SCARB2: variants seen among roughly 807,000 people sequenced by gnomAD.
SCARB2 encodes the protein lysosome membrane protein 2.
A neutral mutation model predicts 58.6 loss-of-function variants in SCARB2; 29 were observed. The ratio of observed to expected loss-of-function variants is 0.49; its 90% CI spans 0.37 to 0.67. The LOEUF (loss-of-function observed/expected upper bound fraction) is 0.67. Among genes scored for constraint, SCARB2 ranks in the 30% least tolerant of loss-of-function variants. The pLI is 0.00. For synonymous variants in SCARB2, 195 were observed against 210.1 expected, an observed-to-expected ratio of 0.93 and a Z score of 0.62; for missense variants, 488 against 578.5, an observed-to-expected ratio of 0.84 and a Z score of 1.60.
intron 4 of SCARB2, chr4:76,179,028 G>GGTTTTTGTTTTT (rs751604931): frequency 3.7e-5 from 6 of 163,126 alleles, no homozygotes; most frequent in Admixed American, 2.9e-4. Context: ...TGCACTCCAG[G>GGTTTTTGTTTTT]GTTTTTGTTT....
chr4:76,176,703 TA>T (rs1732258271), intron 4 of SCARB2, 175 bp from the exon 5 acceptor site: 1 of 580,708 alleles, frequency 1.7e-6, no homozygotes, highest in Admixed American at 3.2e-5. Flanking sequence ...TTACCCTCAA[TA>T]ATGAGTGGCT....
chr4:76,221,958 T>C (rs1261574551), intron 1 of SCARB2, among the ~76,000 whole-genome samples: 1 of 152,222 alleles, frequency 6.6e-6, no homozygotes, highest in African/African-American at 2.4e-5. Flanking sequence ...CCACATGATG[T>C]TGTGGAATTC....
In SCARB2 at chr4:76,175,859, A is replaced by T; in HGVS notation, c.756T>A (p.Asp252Glu). ...TTATTAGTGGGTGAAAAGAATCTCC[A>T]TCTGTTCCATTAATCATATTGCACT... ...TDKCNMINGTDGDSFHPLITK... is the reference protein window; with the variant it reads ...TDKCNMINGTEGDSFHPLITK... Residue 252 changes from aspartate (D) to glutamate (E), a missense_variant, in exon 6 of 12, where the codon GAT (aspartate) becomes GAA (glutamate). Physicochemically the swap from Asp to Glu is conservative, Grantham distance 45 (BLOSUM62 2). Transcript: ENST00000264896. 1 of 1,613,924 alleles carries T rather than the reference A, an allele frequency of 6.2e-7. No individual in the cohort carries two copies. The highest frequency in any genetic ancestry group is 8.5e-7 in the Non-Finnish European group (1 of 1,179,878).
At chr4:76,211,074 G>A (rs1733034306) in intron 1 of SCARB2, among the ~76,000 whole-genome samples, 1 of 152,202 alleles carries the variant, frequency 6.6e-6, no homozygotes, top group African/African-American at 2.4e-5. Flanking sequence ...CCTATTCTGT[G>A]CCTGATACTA....
At chr4:76,198,753 T>C (rs942352459) in intron 1 of SCARB2, among the ~76,000 whole-genome samples, 5 of 152,180 alleles carry the variant, frequency 3.3e-5, no homozygotes, top group Non-Finnish European at 5.9e-5. Flanking sequence ...TGCTTTCATA[T>C]GTCTCTTTTC....
chr4:76,173,901 A>G (rs752306532), intron 7 of SCARB2: 86 of 506,480 alleles, frequency 1.7e-4, no homozygotes, highest in Non-Finnish European at 2.4e-4. Flanking sequence ...AAAGAAACTG[A>G]TCTTTCTATT....
chr4:76,214,504 G>A (rs1481640503), upstream of SCARB2: 1 of 352,874 alleles, frequency 2.8e-6, no homozygotes, highest in Non-Finnish European at 5.6e-6. Flanking sequence ...AGGCTCAGGT[G>A]TTCAGGGGGT....
At chr4:76,173,154 G>A (rs1412723175) in intron 7 of SCARB2, 1 of 152,178 alleles carries the variant, frequency 6.6e-6, no homozygotes, top group Non-Finnish European at 1.5e-5. Context: ...AGTTTTGTCA[G>A]TTGTGCCACT....
In SCARB2 at chr4:76,179,700, G is replaced by C; in HGVS notation, c.429C>G (p.Val143=). The C allele has an allele frequency of 6.2e-7, 1 of 1,613,134 alleles. No homozygotes were observed. Among genetic ancestry groups the C allele is most frequent in the Non-Finnish European group, 8.5e-7 (1 of 1,179,370 alleles). ...IRTLNIPVLT[V]IEWSQVHFLR... ...GGAAGTGCACCTGGGACCACTCTAT[G>C]ACAGTCTGCGGAGCAGAGGTATATT... is the stretch of plus-strand genomic sequence containing the variant. The change falls in exon 4 of 12, where the codon GTC becomes GTG. Residue 143 remains valine, a synonymous_variant. Coordinates refer to ENST00000264896, the MANE Select transcript of SCARB2 (RefSeq NM_005506.4).
upstream of SCARB2, among the ~76,000 whole-genome samples, chr4:76,218,239 C>T (rs750166330): frequency 1.3e-5 from 2 of 152,192 alleles, no homozygotes; most frequent in East Asian, 3.8e-4. Context: ...TACCATCACA[C>T]CCTAGTGATT....
intron 2 of SCARB2, among the ~76,000 whole-genome samples, chr4:76,189,212 C>G (rs6825004): frequency 0.29 from 44,755 of 152,038 alleles, 7,071 homozygotes; most frequent in Admixed American, 0.46. Flanking sequence ...GGAAGAAAGA[C>G]AGATACCTAA....
intron 3 of SCARB2, chr4:76,180,369 A>G (rs1331867117): frequency 6.6e-6 from 1 of 152,052 alleles, no homozygotes; most frequent in Non-Finnish European, 1.5e-5. Flanking sequence ...AAAAAAATTA[A>G]TAATAAATAA....
At chr4:76,214,255 ACCAGGTG>A (rs1381372007), upstream of SCARB2, 1 of 455,520 alleles carries the variant, frequency 2.2e-6, no homozygotes, top group Admixed American at 2.3e-5. Context: ...AAGTGCTTCT[ACCAGGTG>A]CCTGCTGAGA....
intron 2 of SCARB2, among the ~76,000 whole-genome samples, chr4:76,185,784 A>C (rs1024953288): frequency 6.6e-6 from 1 of 152,184 alleles, no homozygotes; most frequent in Non-Finnish European, 1.5e-5. Context: ...TACTATTAAG[A>C]AGTGATTGGG....
chr4:76,182,463 A>T (rs1732404188), intron 2 of SCARB2, among the ~76,000 whole-genome samples: 1 of 152,218 alleles, frequency 6.6e-6, no homozygotes, highest in Non-Finnish European at 1.5e-5. Flanking sequence ...TCTACTTTTT[A>T]AAAAATGTGG....
intron 1 of SCARB2, 70 bp downstream of exon 1, chr4:76,213,357 G>T: frequency 9.5e-7 from 1 of 1,048,980 alleles, no homozygotes; most frequent in Non-Finnish European, 1.5e-6. Flanking sequence ...TCCCATACAA[G>T]ATGTAGCAGC....
At chr4:76,227,235 G>A (rs1011918236) in intron 1 of SCARB2, among the ~76,000 whole-genome samples, 6 of 152,134 alleles carry the variant, frequency 3.9e-5, no homozygotes, top group South Asian at 2.1e-4. Context: ...CACTATTATC[G>A]TTCAAAGAAT....
At chr4:76,224,349 G>C (rs533895709) in intron 1 of SCARB2, among the ~76,000 whole-genome samples, 1 of 152,270 alleles carries the variant, frequency 6.6e-6, no homozygotes, top group African/African-American at 2.4e-5. Context: ...CTTAGAGCCA[G>C]GCACCTTAGA....
At chr4:76,205,696 G>C (rs1275497046) in intron 1 of SCARB2, among the ~76,000 whole-genome samples, 1 of 152,198 alleles carries the variant, frequency 6.6e-6, no homozygotes, top group Non-Finnish European at 1.5e-5. Context: ...TAGGGCAAAT[G>C]AGTGACACAG....
Sources: gnomAD v4.1 joint callset for allele counts (sites outside exome capture counted in the v4.1 genomes callset) on GRCh38, gnomAD v4.1.1 for gene constraint, MANE v1.5 for transcripts, NCBI Gene and HGNC (gene_info 2026-07-23, HGNC 2026-07-21) for gene names.